The following TTC34 variants were observed in gnomAD, a reference collection of about 807,000 sequenced individuals.
TTC34 encodes the protein tetratricopeptide repeat domain 34.
Under a neutral mutation model 40.7 loss-of-function variants are expected in TTC34, and 44 were observed. The ratio of observed to expected loss-of-function variants is 1.08; its 90% CI spans 0.85 to 1.39. The LOEUF (loss-of-function observed/expected upper bound fraction) is 1.39. Ranked by LOEUF, TTC34 falls within the 40% of genes most tolerant of loss-of-function variation. TTC34 has a pLI of 0.00. For missense variants in TTC34, 884 were observed against 838.0 expected, an observed-to-expected ratio of 1.05 and a Z score of -0.68; for synonymous variants, 422 against 398.6, an observed-to-expected ratio of 1.06 and a Z score of -0.70.
chr1:2,683,193 A>G (rs1476767782), intron 6 of TTC34, among the ~76,000 whole-genome samples: 1 of 95,294 alleles, frequency 1.0e-5, no homozygotes, highest in Non-Finnish European at 2.2e-5. Context: ...ACCCACGGCC[A>G]CAGGCGAGCA....
intron 6 of TTC34, among the ~76,000 whole-genome samples, chr1:2,681,546 C>G (rs1377579334): frequency 9.5e-6 from 1 of 105,580 alleles, no homozygotes; most frequent in East Asian, 2.5e-4. Context: ...GCATCCTCAC[C>G]CCCAGTTGCG....
At chr1:2,651,133 C>A (rs180899776) in intron 6 of TTC34, among the ~76,000 whole-genome samples, 155 of 151,448 alleles carry the variant, frequency 1.0e-3, no homozygotes, top group Middle Eastern at 3.5e-3. Flanking sequence ...ACTTTGCAGC[C>A]TGGGACAGTA....
intron 6 of TTC34, among the ~76,000 whole-genome samples, chr1:2,753,393 A>T (rs1641392553): frequency 7.7e-6 from 1 of 129,474 alleles, no homozygotes; most frequent in South Asian, 2.6e-4. Context: ...CGAGCATCTG[A>T]CAGCATGTAA....
intron 7 of TTC34, among the ~76,000 whole-genome samples, chr1:2,644,966 G>T (rs1282917813): frequency 1.3e-5 from 2 of 152,194 alleles, no homozygotes; most frequent in Admixed American, 1.3e-4. Flanking sequence ...CTGCCATCCC[G>T]TGGGTGCCCG....
chr1:2,645,416 T>C lies in TTC34; in HGVS notation c.2374A>G (p.Thr792Ala), dbSNP rs954844359. The change falls in exon 7 of 9, where the codon ACT (threonine) becomes GCT (alanine). Residue 792 changes from threonine to alanine, a missense_variant. By Grantham distance (58) the Thr-to-Ala change is moderately conservative. Transcript: ENST00000401095. This position sits in a 1 kb window ranked among gnomAD's most constrained non-coding sequence, Gnocchi z 4.7. Reference sequence around the variant, plus strand: ...TCCTTGTCCTCGAGAGGGGCCCCAGTGTCTGGCAGCTGGCTCAGAAGGGCC... The same window carrying C: ...TCCTTGTCCTCGAGAGGGGCCCCAGCGTCTGGCAGCTGGCTCAGAAGGGCC... 2.6e-6 allele frequency: 4 copies of C among 1,535,786 alleles called. No homozygotes were observed. Among genetic ancestry groups the C allele is most frequent in the Admixed American group, 2.0e-5 (1 of 50,960 alleles).
chr1:2,685,539 A>G (rs1353078790), intron 6 of TTC34, among the ~76,000 whole-genome samples: 15 of 67,836 alleles, frequency 2.2e-4, no homozygotes, highest in Admixed American at 6.6e-4. Flanking sequence ...GCATCTGACA[A>G]CCTGGAGCAG....
intron 6 of TTC34, among the ~76,000 whole-genome samples, chr1:2,686,361 C>A (rs1317177557): frequency 5.1e-5 from 7 of 136,510 alleles, no homozygotes; most frequent in African/African-American, 8.4e-5. Flanking sequence ...GCACCCACAC[C>A]CCCAGGTGCG....
At chr1:2,751,096 A>G (rs1488136309) in intron 6 of TTC34, among the ~76,000 whole-genome samples, 1 of 92,470 alleles carries the variant, frequency 1.1e-5, no homozygotes, top group Non-Finnish European at 2.0e-5. Flanking sequence ...TGCCCAGCTG[A>G]GCCTCTGACA....
chr1:2,686,071 G>C lies in TTC34; in HGVS notation c.2227-40508C>G, dbSNP rs532925051. ...AGTGAGCATCCGACAGCCTGGAGAA[G>C]CACCCACACCCCCAGGCGAGCATCT... On this transcript the variant is annotated intron_variant, in intron 6 of 8. Coordinates refer to ENST00000401095, the Ensembl canonical transcript of TTC34. Among the ~76,000 whole-genome samples, 68 of 117,774 alleles carry C rather than the reference G, an allele frequency of 5.8e-4. 6 individuals are homozygous for C. The highest frequency in any genetic ancestry group is 2.1e-3 in the African/African-American group (57 of 27,734). The allele number at this position is 117,774 out of a possible 152,430, so 77.3% of individuals were successfully genotyped here. A position where few individuals can be genotyped will look rare whatever the true frequency, so the allele number is the denominator to read the frequency against.
chr1:2,697,476 C>CACCCA (rs1433196794), intron 6 of TTC34, among the ~76,000 whole-genome samples: 1 of 152,218 alleles, frequency 6.6e-6, no homozygotes, highest in East Asian at 1.9e-4. Context: ...CCTGGAACAG[C>CACCCA]TCCCTGCACC....
At chr1:2,687,182 AACC>A in intron 6 of TTC34, among the ~76,000 whole-genome samples, 1 of 142,260 alleles carries the variant, frequency 7.0e-6, no homozygotes, top group East Asian at 2.0e-4. Context: ...CGAGCATCTG[AACC>A]CACGGAGCAG....
chr1:2,749,704 A>T (rs1228217781), intron 6 of TTC34, among the ~76,000 whole-genome samples: 1 of 68,558 alleles, frequency 1.5e-5, no homozygotes. Flanking sequence ...AGCATCTGAC[A>T]GTCTGGAACA....
chr1:2,647,314 A>T (rs550142279), intron 6 of TTC34, among the ~76,000 whole-genome samples: 1 of 152,118 alleles, frequency 6.6e-6, no homozygotes, highest in East Asian at 1.9e-4. Flanking sequence ...TTCTTCATTT[A>T]TTTTTTTAAT....
chr1:2,755,269 T>A (rs1641467176), intron 6 of TTC34, among the ~76,000 whole-genome samples: 1 of 37,316 alleles, frequency 2.7e-5, no homozygotes. Context: ...CACCCCCTGA[T>A]GAGCATCTGA....
At chr1:2,771,325 C>T (rs1390442430) in intron 6 of TTC34, among the ~76,000 whole-genome samples, 2 of 68,064 alleles carry the variant, frequency 2.9e-5, no homozygotes, top group Non-Finnish European at 5.0e-5. Flanking sequence ...TCCTCACCTC[C>T]AGGTGAGCAT....
rs751274089 is a variant in TTC34, at chr1:2,644,510, G to T, written c.2498-32C>A. 3.0e-5 allele frequency: 45 copies of T among 1,521,626 alleles called. 1 individual carries two copies. The South Asian group carries it at 5.2e-4, about 17-fold the overall frequency. The allele number at this position is 1,521,626 out of a possible 1,614,324, so 94.3% of individuals were successfully genotyped here. A position where few individuals can be genotyped will look rare whatever the true frequency, so the allele number is the denominator to read the frequency against. On this transcript the variant is annotated intron_variant, in intron 7 of 8. Coordinates refer to ENST00000401095, the Ensembl canonical transcript of TTC34. ...GGGATTCAGGAGGGACAGTCAGTGTGTGGGGTTGGGCAGAGGTGCGAGAGA... is the reference window on the plus strand; with the variant it reads ...GGGATTCAGGAGGGACAGTCAGTGTTTGGGGTTGGGCAGAGGTGCGAGAGA...
intron 4 of TTC34, among the ~76,000 whole-genome samples, chr1:2,786,237 G>C (rs745728550): frequency 6.6e-6 from 1 of 152,030 alleles, no homozygotes; most frequent in Non-Finnish European, 1.5e-5. Context: ...GCCAGGGTCC[G>C]CCCTGTGCCA....
intron 6 of TTC34, among the ~76,000 whole-genome samples, chr1:2,760,995 C>A (rs1250142241): frequency 1.4e-5 from 1 of 71,786 alleles, no homozygotes; most frequent in Non-Finnish European, 2.4e-5. Context: ...CCTGGAGCAG[C>A]GCTCACACCC....
intron 6 of TTC34, among the ~76,000 whole-genome samples, chr1:2,750,602 A>C (rs1336134035): frequency 0.019 from 104 of 5,584 alleles, no homozygotes; most frequent in African/African-American, 0.035. Context: ...GCAGCACCCC[A>C]CACCCACAGG....
Sources: allele counts gnomAD v4.1 joint callset (sites outside exome capture counted in the v4.1 genomes callset), GRCh38; gene constraint gnomAD v4.1.1; non-coding constraint Gnocchi (gnomAD v3.1); transcripts MANE v1.5; gene names NCBI Gene and HGNC (gene_info 2026-07-23, HGNC 2026-07-21).